Variants in ITGB3 observed in about 807,000 individuals in gnomAD.
ITGB3 encodes the protein integrin subunit beta 3.
Under a neutral mutation model 85.8 loss-of-function variants are expected in ITGB3, and 48 were observed. The observed-to-expected ratio is 0.56, with a 90% CI of 0.44 to 0.71. The LOEUF (loss-of-function observed/expected upper bound fraction) is 0.71, where lower values mean the gene tolerates loss of function less well. ITGB3 is among the 30% of genes least tolerant of loss of function. The probability of loss-of-function intolerance (pLI) is 0.00; values close to 1 mark genes in which losing one functional copy is unlikely to be tolerated. For synonymous variants in ITGB3, 363 were observed against 395.6 expected (o/e 0.92, Z 0.98); for missense variants, 861 against 1,019.1 (o/e 0.84, Z 2.11).
At chr17:47,255,136 G>A (rs2064984272) in intron 1 of ITGB3, among the ~76,000 whole-genome samples, 1 of 151,404 alleles carries the variant, frequency 6.6e-6, no homozygotes, top group African/African-American at 2.4e-5. Flanking sequence ...CTGCCACCAC[G>A]GCCGGCTAAT....
At chr17:47,289,407 C>T (rs995672840) in intron 6 of ITGB3, among the ~76,000 whole-genome samples, 36 of 152,004 alleles carry the variant, frequency 2.4e-4, no homozygotes, top group Non-Finnish European at 1.5e-5. Context: ...CTCACTGTAA[C>T]CTCCAACTCC....
rs1320078909 is a variant in ITGB3 at position 47,312,920 on chromosome 17, G to A, written c.*2716G>A. Among the ~76,000 whole-genome samples, 2 of 152,250 alleles carry A rather than the reference G, an allele frequency of 1.3e-5. No homozygotes were observed. Among genetic ancestry groups the A allele is most frequent in the African/African-American group, 4.8e-5 (2 of 41,546 alleles). On this transcript the variant is annotated 3_prime_UTR_variant, in exon 15 of 15. Transcript: ENST00000559488. ...GGAAAACTTTGAATATTCCTGACAA[G>A]TTGCCATATTAGGAGTCAGTTCTTT...
At chr17:47,307,121 G>A (rs2065191388) in intron 13 of ITGB3, among the ~76,000 whole-genome samples, 1 of 152,162 alleles carries the variant, frequency 6.6e-6, no homozygotes, top group Admixed American at 6.5e-5. Flanking sequence ...GTGACTCATA[G>A]GTAGTTTTTC....
chr17:47,299,298 G>A lies in ITGB3; in HGVS notation c.1691-10G>A. The A allele has an allele frequency of 6.2e-7, 1 of 1,613,338 alleles. No homozygotes were observed. Among genetic ancestry groups the A allele is most frequent in the South Asian group, 1.1e-5 (1 of 91,078 alleles). On this transcript the variant is annotated splice_polypyrimidine_tract_variant and intron_variant, in intron 10 of 14. Coordinates refer to ENST00000559488, the MANE Select transcript of ITGB3 (RefSeq NM_000212.3). The surrounding 1 kb of genome is among the most constrained non-coding windows in gnomAD (Gnocchi z 5.1). ...CAGCGGGTCCACCTTCCTGGGCTGT[G>A]TGTTTTCAGGCCATGGCCAGTGCAG...
At chr17:47,286,603 T>C (rs2065103687) in intron 5 of ITGB3, among the ~76,000 whole-genome samples, 181 bp downstream of exon 5, 1 of 152,222 alleles carries the variant, frequency 6.6e-6, no homozygotes. Context: ...CTCCCTGGCC[T>C]GAGCTGACAT....
rs1166020097 is a variant in ITGB3, at chr17:47,283,367, G to T, written c.179G>T (p.Gly60Val). The change falls in exon 3 of 15, where the codon GGC (glycine) becomes GTC (valine). Residue 60 changes from glycine to valine, a missense_variant. Coordinates refer to ENST00000559488, the MANE Select transcript of ITGB3 (RefSeq NM_000212.3). ...CCTGTCTTACAGGCCCTGCCTCTGG[G>T]CTCACCTCGCTGTGACCTGAAGGAG... ...AWCSDEALPL[G>V]SPRCDLKENL... 6 of 1,614,204 alleles carry T rather than the reference G, an allele frequency of 3.7e-6. No individual in the cohort carries two copies. The highest frequency in any genetic ancestry group is 5.1e-6 in the Non-Finnish European group (6 of 1,180,042).
At chr17:47,275,762 C>T (rs115797643) in intron 2 of ITGB3, among the ~76,000 whole-genome samples, 509 of 152,356 alleles carry the variant, frequency 3.3e-3, no homozygotes, top group African/African-American at 0.012. Flanking sequence ...CCGTTCAGCA[C>T]GGGAACTGCT....
chr17:47,265,385 G>A (rs1249558396), intron 1 of ITGB3, among the ~76,000 whole-genome samples: 3 of 152,146 alleles, frequency 2.0e-5, no homozygotes, highest in African/African-American at 7.2e-5. Context: ...AAATTAAGGT[G>A]TCAGCAGGCC....
intron 1 of ITGB3, 114 bp downstream of exon 1, chr17:47,254,054 G>C (rs1833911788): frequency 3.1e-6 from 2 of 647,110 alleles, no homozygotes; most frequent in Non-Finnish European, 4.5e-6. Flanking sequence ...GTCTGCGCTG[G>C]GAATGCGCGT....
chr17:47,290,453 G>GAAGGAAGGAAGGAAGGAAGA (rs1240304823), intron 8 of ITGB3, among the ~76,000 whole-genome samples, 179 bp downstream of exon 8: 35 of 151,458 alleles, frequency 2.3e-4, no homozygotes, highest in Admixed American at 7.2e-4. Context: ...TTCTGAGAAG[G>GAAGGAAGGAAGGAAGGAAGA]AAGGAAGGAA....
intron 1 of ITGB3, among the ~76,000 whole-genome samples, chr17:47,274,214 G>C (rs2065054909): frequency 6.6e-6 from 1 of 152,222 alleles, no homozygotes. Flanking sequence ...GTTGAGAGCG[G>C]TGATGAGTTT....
chr17:47,284,547 A>G lies in ITGB3; in HGVS notation c.466A>G (p.Ser156Gly), dbSNP rs780010801. 1 of 1,614,196 alleles carries G rather than the reference A, an allele frequency of 6.2e-7. No individual in the cohort carries two copies. Among genetic ancestry groups the G allele is most frequent in the South Asian group, 1.1e-5 (1 of 91,080 alleles). The part of the protein sequence containing the change: ...LSYSMKDDLW[S>G]IQNLGTKLAT... The stretch of plus-strand genomic sequence containing the variant: ...TTACTCCATGAAGGATGATCTGTGG[A>G]GCATCCAGAACCTGGGTACCAAGCT... The change falls in exon 4 of 15, where the codon AGC (serine) becomes GGC (glycine). Residue 156 changes from serine to glycine, a missense_variant. Coordinates refer to ENST00000559488, the MANE Select transcript of ITGB3 (RefSeq NM_000212.3).
chr17:47,282,822 A>G (rs1202008802), intron 2 of ITGB3, among the ~76,000 whole-genome samples: 1 of 152,196 alleles, frequency 6.6e-6, no homozygotes. Context: ...CTCTCCTCCA[A>G]CAATATAAGA....
At chr17:47,296,975 A>G (rs181185102) in intron 10 of ITGB3, among the ~76,000 whole-genome samples, 5 of 152,236 alleles carry the variant, frequency 3.3e-5, no homozygotes, top group Non-Finnish European at 4.4e-5. Context: ...GACTCCTAAA[A>G]TGTTCCTTCC....
At chr17:47,278,965 C>T (rs936785282) in intron 2 of ITGB3, among the ~76,000 whole-genome samples, 2 of 152,228 alleles carry the variant, frequency 1.3e-5, no homozygotes, top group African/African-American at 4.8e-5. Context: ...AACCTCTGTC[C>T]TAATGGATTT....
At chr17:47,255,303 T>TG (rs2064985108) in intron 1 of ITGB3, among the ~76,000 whole-genome samples, 1 of 150,650 alleles carries the variant, frequency 6.6e-6, no homozygotes, top group Admixed American at 6.6e-5. Context: ...AAAGGGAAGA[T>TG]TTGTTGATAA....
Position 47,310,475 on chromosome 17 carries a change from C to G in ITGB3, c.*271C>G, listed in dbSNP as rs189009415. ...GCTCCTTAGCCTTTGTCCCAGAATG[C>G]CTCCTGCAGGGATTCTTCCTGCTTA... On this transcript the variant is annotated 3_prime_UTR_variant, in exon 15 of 15. Coordinates refer to ENST00000559488, the MANE Select transcript of ITGB3 (RefSeq NM_000212.3). 7.0e-4 allele frequency: 371 copies of G among 528,326 alleles called. 1 individual carries two copies. The Admixed American group carries it at 9.1e-3, about 13-fold the overall frequency. 32.7% of individuals were successfully genotyped at this position (528,326 alleles called of 1,614,324 possible).
At chr17:47,307,757 C>A in intron 14 of ITGB3, 120 bp downstream of exon 14, 1 of 964,938 alleles carries the variant, frequency 1.0e-6, no homozygotes, top group Non-Finnish European at 1.6e-6. Flanking sequence ...ATCCTCTGTT[C>A]TGGAAACTGG....
chr17:47,293,814 G>T (rs999526548), intron 10 of ITGB3, among the ~76,000 whole-genome samples: 2 of 152,046 alleles, frequency 1.3e-5, no homozygotes, highest in Non-Finnish European at 2.9e-5. Flanking sequence ...CACCACATTG[G>T]CCAGGATGGT....
Sources: allele counts gnomAD v4.1 joint callset (sites outside exome capture counted in the v4.1 genomes callset), GRCh38; gene constraint gnomAD v4.1.1; non-coding constraint Gnocchi (gnomAD v3.1); transcripts MANE v1.5; gene names NCBI Gene and HGNC (gene_info 2026-07-23, HGNC 2026-07-21).